VPS13C: variants seen among roughly 807,000 people sequenced by gnomAD.
VPS13C encodes vacuolar protein sorting 13 homolog C, also known as intermembrane lipid transfer protein VPS13C.
Under a neutral mutation model 456.8 loss-of-function variants are expected in VPS13C, and 358 were observed. That is an observed-to-expected ratio of 0.78 (90% CI 0.72 to 0.86). The LOEUF (loss-of-function observed/expected upper bound fraction) is 0.86. Ranked by LOEUF, VPS13C falls within the 40% of genes least tolerant of loss-of-function variation. The probability of loss-of-function intolerance (pLI) is 0.00; values close to 1 mark genes in which losing one functional copy is unlikely to be tolerated. For synonymous variants in VPS13C, 1,578 were observed against 1,486.7 expected (o/e 1.06, Z -1.41); for missense variants, 4,818 against 4,385.4 (o/e 1.10, Z -2.79).
intron 10 of VPS13C, 113 bp downstream of exon 10, chr15:62,013,820 C>G (rs2047129889): frequency 6.6e-6 from 5 of 753,488 alleles, no homozygotes; most frequent in Non-Finnish European, 8.6e-6. Context: ...AAACTAGACC[C>G]TAGACTTTTA....
At chr15:61,877,100 A>G (rs766305846) in intron 74 of VPS13C, 46 bp from the exon 75 acceptor site, 3 of 1,452,522 alleles carry the variant, frequency 2.1e-6, no homozygotes, top group African/African-American at 2.9e-5. Flanking sequence ...ATATTATATG[A>G]TAAAAAAAGA....
chr15:62,058,825 G>C (rs1425155785), intron 1 of VPS13C, among the ~76,000 whole-genome samples: 3 of 151,964 alleles, frequency 2.0e-5, no homozygotes, highest in Non-Finnish European at 4.4e-5. Context: ...GCTGAGGCAG[G>C]AGGATCACTT....
intron 83 of VPS13C, among the ~76,000 whole-genome samples, chr15:61,855,689 A>C (rs1006625796): frequency 6.6e-6 from 1 of 152,116 alleles, no homozygotes; most frequent in Non-Finnish European, 1.5e-5. Context: ...GGGAAAACAA[A>C]TGCACTAAAG....
chr15:62,056,279 T>G (rs887162797), intron 1 of VPS13C, among the ~76,000 whole-genome samples: 1 of 152,154 alleles, frequency 6.6e-6, no homozygotes, highest in Non-Finnish European at 1.5e-5. Context: ...CATTAATCAT[T>G]AGTTTGCAGT....
intron 15 of VPS13C, 56 bp from the exon 16 acceptor site, chr15:62,000,682 T>A (rs1179946569): frequency 6.7e-7 from 1 of 1,483,822 alleles, no homozygotes; most frequent in Non-Finnish European, 9.1e-7. Context: ...ATAAAAGAAA[T>A]TTTTCTTTCA....
rs778636212 is a variant in VPS13C at position 61,969,375 on chromosome 15, C to A, written c.2835G>T (p.Glu945Asp). ...LVFNVTQLGT[E>D]ATMRTFDLTV... ...TTAAGTCAAATGTTCTCATTGTGGC[C>A]TCTGTTCCTAACTGAGTAACATTAA... is the stretch of plus-strand genomic sequence containing the variant. The change falls in exon 28 of 85, where the codon GAG becomes GAT. Residue 945 changes from glutamate (E) to aspartate (D), a missense_variant. By Grantham distance (45) the Glu-to-Asp change is conservative. Around this residue, in one of 3 missense-constraint regions of VPS13C, gnomAD observed 4,552 missense variants for 4,130.6 expected, o/e 1.10. Coordinates refer to ENST00000644861, the MANE Select transcript of VPS13C (RefSeq NM_020821.3). 6.1e-5 allele frequency: 98 copies of A among 1,600,912 alleles called. No individual in the cohort carries two copies. The highest frequency in any genetic ancestry group is 7.8e-5 in the Non-Finnish European group (92 of 1,173,950).
intron 28 of VPS13C, among the ~76,000 whole-genome samples, chr15:61,968,118 T>C (rs1481554378): frequency 6.6e-6 from 1 of 152,016 alleles, no homozygotes; most frequent in African/African-American, 2.4e-5. Context: ...ACAGGTCCTA[T>C]AGAAATTACT....
intron 74 of VPS13C, among the ~76,000 whole-genome samples, chr15:61,878,109 T>G (rs549688752): frequency 6.6e-4 from 100 of 152,054 alleles, no homozygotes; most frequent in African/African-American, 2.3e-3. Flanking sequence ...GGACTTTTTT[T>G]GTCTTTTCAG....
intron 47 of VPS13C, among the ~76,000 whole-genome samples, chr15:61,938,274 G>C (rs1003695404): frequency 1.3e-5 from 2 of 151,966 alleles, no homozygotes; most frequent in African/African-American, 2.4e-5. Context: ...TGTGGGGTGG[G>C]GGGGGAACAA....
chr15:62,029,724 T>C (rs2047748493), intron 5 of VPS13C, among the ~76,000 whole-genome samples: 1 of 152,088 alleles, frequency 6.6e-6, no homozygotes. Context: ...CAACAATGTG[T>C]AGACTGGCAT....
At chr15:61,948,257 TA>T (rs1255067342) in intron 42 of VPS13C, among the ~76,000 whole-genome samples, 2 of 152,162 alleles carry the variant, frequency 1.3e-5, no homozygotes, top group Non-Finnish European at 2.9e-5. Context: ...TATGCATATA[TA>T]ATATAAAGGA....
intron 66 of VPS13C, among the ~76,000 whole-genome samples, chr15:61,897,233 C>T (rs12901247): frequency 0.47 from 70,980 of 152,036 alleles, 16,956 homozygotes; most frequent in Admixed American, 0.55. Flanking sequence ...TCACCAGCAA[C>T]GGAACAAAGC....
intron 29 of VPS13C, among the ~76,000 whole-genome samples, 179 bp from the exon 30 acceptor site, chr15:61,966,321 C>A (rs1247696106): frequency 6.6e-6 from 1 of 151,622 alleles, no homozygotes; most frequent in Non-Finnish European, 1.5e-5. Context: ...TATAATAGTG[C>A]AAATGTGTTC....
At chr15:61,910,812 C>G (rs977029676) in intron 63 of VPS13C, among the ~76,000 whole-genome samples, 1 of 152,022 alleles carries the variant, frequency 6.6e-6, no homozygotes, top group East Asian at 1.9e-4. Context: ...CTTCTTTGAG[C>G]CTCAGTTTTA....
intron 63 of VPS13C, 150 bp from the exon 64 acceptor site, chr15:61,910,455 AT>A: frequency 2.0e-6 from 1 of 490,312 alleles, no homozygotes; most frequent in Non-Finnish European, 3.0e-6. Flanking sequence ...TCATAGTAAG[AT>A]TACTGACAAT....
At chr15:61,981,076 C>G (rs140294270) in intron 22 of VPS13C, among the ~76,000 whole-genome samples, 1 of 152,128 alleles carries the variant, frequency 6.6e-6, no homozygotes, top group Non-Finnish European at 1.5e-5. Context: ...ATGAAAACTA[C>G]GAATGCTTCT....
chr15:61,873,017 T>C (rs2140881022), intron 78 of VPS13C, among the ~76,000 whole-genome samples: 1 of 152,122 alleles, frequency 6.6e-6, no homozygotes, highest in Non-Finnish European at 1.5e-5. Flanking sequence ...TCTACACCAG[T>C]ACTACCCTGT....
intron 61 of VPS13C, among the ~76,000 whole-genome samples, chr15:61,914,552 A>G (rs924010215): frequency 2.0e-5 from 3 of 151,492 alleles, no homozygotes; most frequent in African/African-American, 7.3e-5. Flanking sequence ...CTGGGCAACA[A>G]GAACAAAACT....
chr15:61,966,867 A>T (rs1344601), intron 29 of VPS13C, among the ~76,000 whole-genome samples: 91,890 of 151,754 alleles, frequency 0.61, 28,847 homozygotes, highest in African/African-American at 0.77. Context: ...AGACATCCAA[A>T]AACACATCCA....
Sources: gnomAD v4.1 joint callset for allele counts (sites outside exome capture counted in the v4.1 genomes callset) on GRCh38, gnomAD v4.1.1 for gene constraint, gnomAD v4.1.1 regional missense constraint, MANE v1.5 for transcripts, NCBI Gene and HGNC (gene_info 2026-07-23, HGNC 2026-07-21) for gene names.